The following MET variants were observed in gnomAD, a reference collection of about 807,000 sequenced individuals.
MET encodes the protein hepatocyte growth factor receptor.
MET carries 48 observed loss-of-function variants against 133.1 expected under a neutral mutation model. The ratio of observed to expected loss-of-function variants is 0.36; its 90% confidence interval spans 0.29 to 0.46. The LOEUF is 0.46. Ranked by LOEUF, MET falls within the 20% of genes least tolerant of loss-of-function variation. The pLI, the probability that MET is intolerant of heterozygous loss-of-function variation, is 1.00. For synonymous variants in MET, 628 were observed against 616.5 expected (o/e 1.02, Z -0.28); for missense variants, 1,442 against 1,695.9 (o/e 0.85, Z 2.63).
At chr7:116,768,024 G>GTA (rs1794693469) in intron 11 of MET, among the ~76,000 whole-genome samples, 2 of 149,908 alleles carry the variant, frequency 1.3e-5, no homozygotes, top group South Asian at 4.2e-4. Context: ...ATGTGTGTGT[G>GTA]TGTATATATA....
rs2117110177 is a variant in MET, at chr7:116,795,870, C to G, written c.3936-17C>G. 1 of 1,612,590 alleles carries G rather than the reference C, an allele frequency of 6.2e-7. No homozygotes were observed. The highest frequency in any genetic ancestry group is 1.1e-5 in the South Asian group (1 of 91,078). ...CTTCAAAGGGTCTCTTACAGCATGT[C>G]TTTCTTTTTGGAACAGATATGAAGT... On this transcript the variant is annotated splice_polypyrimidine_tract_variant and intron_variant, in intron 20 of 20. Transcript: ENST00000397752.
chr7:116,719,063 G>A (rs1433255882), intron 2 of MET, among the ~76,000 whole-genome samples: 11 of 108,200 alleles, frequency 1.0e-4, no homozygotes, highest in East Asian at 2.6e-4. Flanking sequence ...CTGAGGAATC[G>A]CCACACTGAC....
intron 2 of MET, among the ~76,000 whole-genome samples, chr7:116,725,293 C>T (rs1792699338): frequency 6.6e-6 from 1 of 152,022 alleles, no homozygotes; most frequent in South Asian, 2.1e-4. Flanking sequence ...CCATAATCTA[C>T]TCTGCAAATG....
At chr7:116,701,507 G>A (rs1369847550) in intron 2 of MET, among the ~76,000 whole-genome samples, 7 of 152,076 alleles carry the variant, frequency 4.6e-5, no homozygotes, top group Non-Finnish European at 4.4e-5. Flanking sequence ...TTTTTATGAT[G>A]CTAGGAAAAT....
At chr7:116,746,871 T>C (rs1793711197) in intron 5 of MET, among the ~76,000 whole-genome samples, 1 of 152,078 alleles carries the variant, frequency 6.6e-6, no homozygotes, top group Admixed American at 6.6e-5. Context: ...TGCACATGTA[T>C]ACATATGTAA....
chr7:116,688,404 A>T (rs186037588), intron 1 of MET, among the ~76,000 whole-genome samples: 3 of 152,362 alleles, frequency 2.0e-5, no homozygotes, highest in Admixed American at 2.0e-4. Context: ...AAATACTTGT[A>T]TAAGTTTTCA....
At position 116,739,690 on chromosome 7, in the gene MET, C is replaced by T. The variant is rs36115495; in HGVS notation, c.1393-260C>T. ...GCAGGGATTTGTCTGTATGTGCTGC[C>T]AATTGATTGAAAGATCTCTTTCCCT... On this transcript the variant is annotated intron_variant, in intron 3 of 20. Coordinates refer to ENST00000397752, the MANE Select transcript of MET (RefSeq NM_000245.4). 8.2e-3 allele frequency among the ~76,000 whole-genome samples: 1,244 copies of T among 152,106 alleles called. 24 individuals carry two copies. The highest frequency in any genetic ancestry group is 0.028 in the African/African-American group (1,151 of 41,496).
chr7:116,779,106 C>A, intron 17 of MET, 149 bp downstream of exon 17: 1 of 819,078 alleles, frequency 1.2e-6, no homozygotes, highest in Non-Finnish European at 1.9e-6. Context: ...TCAAAGTCTT[C>A]TATCCTGGTG....
In MET at chr7:116,781,989, A is replaced by G; in HGVS notation, c.3524A>G (p.Asn1175Ser). The G allele has an allele frequency of 1.9e-6, 3 of 1,605,956 alleles. No homozygotes were observed. Among genetic ancestry groups the G allele is most frequent in the Non-Finnish European group, 2.6e-6 (3 of 1,172,808 alleles). Reference protein sequence around the residue: ...LRNFIRNETHNPTVKDLIGFG... With the variant: ...LRNFIRNETHSPTVKDLIGFG... ...TTTTCTAACTCTCTTTGACTGCAGA[A>G]TCCAACTGTAAAAGATCTTATTGGC... Residue 1175 changes from asparagine (N) to serine (S), a missense_variant and splice_region_variant, in exon 18 of 21, where the codon AAT (asparagine) becomes AGT (serine). By Grantham distance (46) the Asn-to-Ser change is conservative (BLOSUM62 1). Coordinates refer to ENST00000397752, the MANE Select transcript of MET (RefSeq NM_000245.4).
At chr7:116,694,084 A>T (rs1796874567) in intron 1 of MET, among the ~76,000 whole-genome samples, 1 of 152,200 alleles carries the variant, frequency 6.6e-6, no homozygotes, top group Admixed American at 6.5e-5. Context: ...TTTAACTAGC[A>T]GTTATCATCA....
intron 16 of MET, 52 bp downstream of exon 16, chr7:116,777,521 A>G: frequency 6.7e-7 from 1 of 1,495,510 alleles, no homozygotes; most frequent in Non-Finnish European, 9.3e-7. Context: ...TTTGCAACCT[A>G]ATAAATAGCT....
chr7:116,740,643 T>C (rs1428175627), intron 4 of MET, among the ~76,000 whole-genome samples: 2 of 152,190 alleles, frequency 1.3e-5, no homozygotes, highest in Non-Finnish European at 2.9e-5. Context: ...TAATGTTACT[T>C]TTTCACATAC....
intron 6 of MET, among the ~76,000 whole-genome samples, chr7:116,755,875 C>T (rs1174912744): frequency 1.3e-5 from 2 of 152,188 alleles, no homozygotes; most frequent in Admixed American, 6.5e-5. Context: ...GCTTTTTCTA[C>T]AGAAATCAGT....
At chr7:116,777,573 T>G in intron 16 of MET, 104 bp downstream of exon 16, 1 of 1,143,574 alleles carries the variant, frequency 8.7e-7, no homozygotes, top group Admixed American at 1.7e-5. Context: ...TGTGGAAAAA[T>G]CAGCTACCAC....
At chr7:116,714,261 T>C (rs1792109430) in intron 2 of MET, among the ~76,000 whole-genome samples, 1 of 152,248 alleles carries the variant, frequency 6.6e-6, no homozygotes, top group Non-Finnish European at 1.5e-5. Context: ...AATTGATTCT[T>C]TTGAATTGTG....
intron 3 of MET, among the ~76,000 whole-genome samples, chr7:116,737,526 G>A (rs113076725): frequency 1.3e-5 from 2 of 152,190 alleles, no homozygotes; most frequent in African/African-American, 4.8e-5. Context: ...TCTGGCCTCA[G>A]ATAAAGCTCT....
At chr7:116,759,224 A>G (rs1291695510) in intron 9 of MET, 167 bp from the exon 10 acceptor site, 4 of 937,248 alleles carry the variant, frequency 4.3e-6, no homozygotes, top group Non-Finnish European at 6.2e-6. Flanking sequence ...AAATATTTTC[A>G]AGTTAAATAA....
At chr7:116,731,953 T>A in intron 3 of MET, 94 bp downstream of exon 3, 1 of 1,226,406 alleles carries the variant, frequency 8.2e-7, no homozygotes, top group Non-Finnish European at 1.2e-6. Flanking sequence ...GCAAATACTG[T>A]AAAGTCCAAA....
intron 10 of MET, among the ~76,000 whole-genome samples, chr7:116,761,316 C>A (rs530502269): frequency 2.6e-5 from 4 of 152,058 alleles, no homozygotes; most frequent in Non-Finnish European, 4.4e-5. Flanking sequence ...ACATTAGAAT[C>A]GGACAAGAGT....
Sources: allele counts gnomAD v4.1 joint callset (sites outside exome capture counted in the v4.1 genomes callset), GRCh38; gene constraint gnomAD v4.1.1; transcripts MANE v1.5; gene names NCBI Gene and HGNC (gene_info 2026-07-23, HGNC 2026-07-21).